Variants in XPR1 observed in about 807,000 individuals in gnomAD.
The protein encoded by XPR1 is solute carrier family 53 member 1.
In XPR1, 28 loss-of-function variants were observed where a neutral mutation model predicts 87.5. The ratio of observed to expected loss-of-function variants is 0.32; its 90% CI spans 0.24 to 0.44. The LOEUF is 0.44. Among genes scored for constraint, XPR1 ranks in the 20% least tolerant of loss-of-function variants. XPR1 has a pLI of 1.00. For missense variants in XPR1, 559 were observed against 862.3 expected, an observed-to-expected ratio of 0.65 and a Z score of 4.41; for synonymous variants, 300 against 306.1, an observed-to-expected ratio of 0.98 and a Z score of 0.21.
At chr1:180,650,316 G>T (rs1410686402) in intron 1 of XPR1, among the ~76,000 whole-genome samples, 6 of 151,984 alleles carry the variant, frequency 3.9e-5, no homozygotes, top group African/African-American at 1.5e-4. Context: ...GCTTACTGCA[G>T]TCTTGAACTC....
chr1:180,634,004 A>G (rs1442908224), intron 1 of XPR1, among the ~76,000 whole-genome samples: 1 of 152,190 alleles, frequency 6.6e-6, no homozygotes, highest in Non-Finnish European at 1.5e-5. Flanking sequence ...ATGGAATTGT[A>G]TTAATTTGCA....
chr1:180,683,540 C>G (rs1363271963), intron 2 of XPR1, among the ~76,000 whole-genome samples: 1 of 152,174 alleles, frequency 6.6e-6, no homozygotes, highest in African/African-American at 2.4e-5. Flanking sequence ...GGAATCACCA[C>G]ACCGACTTCC....
At chr1:180,687,883 C>G (rs972795302) in intron 2 of XPR1, among the ~76,000 whole-genome samples, 1 of 150,948 alleles carries the variant, frequency 6.6e-6, no homozygotes, top group African/African-American at 2.4e-5. Flanking sequence ...ATTTCATTAT[C>G]TACTCTTCTA....
At chr1:180,844,774 A>G (rs1651623181) in intron 11 of XPR1, among the ~76,000 whole-genome samples, 4 of 152,190 alleles carry the variant, frequency 2.6e-5, no homozygotes, top group East Asian at 1.9e-4. Flanking sequence ...TGGCGCTTCA[A>G]TTGAAAGAGC....
intron 7 of XPR1, among the ~76,000 whole-genome samples, chr1:180,822,891 T>C (rs1650688923): frequency 6.6e-6 from 1 of 152,204 alleles, no homozygotes; most frequent in Middle Eastern, 3.2e-3. Flanking sequence ...TATTAAATCT[T>C]CTATATACTA....
At chr1:180,678,494 A>T (rs554381824) in intron 1 of XPR1, among the ~76,000 whole-genome samples, 1 of 152,310 alleles carries the variant, frequency 6.6e-6, no homozygotes, top group Non-Finnish European at 1.5e-5. Flanking sequence ...TTAATTTTTT[A>T]TTATACCTCA....
chr1:180,636,652 A>C (rs916403309), intron 1 of XPR1, among the ~76,000 whole-genome samples: 1 of 152,184 alleles, frequency 6.6e-6, no homozygotes, highest in South Asian at 2.1e-4. Context: ...GAAGCATTTA[A>C]GAGAATGATT....
At chr1:180,669,197 A>G (rs1656069623) in intron 1 of XPR1, among the ~76,000 whole-genome samples, 1 of 151,730 alleles carries the variant, frequency 6.6e-6, no homozygotes, top group African/African-American at 2.4e-5. Context: ...TGCTGTTGTC[A>G]TTGGGTAGAG....
At chr1:180,810,773 A>G (rs974857617) in intron 6 of XPR1, among the ~76,000 whole-genome samples, 1 of 151,552 alleles carries the variant, frequency 6.6e-6, no homozygotes, top group Non-Finnish European at 1.5e-5. Flanking sequence ...TACAAAACTC[A>G]TATGTATATA....
chr1:180,687,738 C>T (rs1401214854), intron 2 of XPR1, among the ~76,000 whole-genome samples: 1 of 151,920 alleles, frequency 6.6e-6, no homozygotes, highest in Non-Finnish European at 1.5e-5. Context: ...GCAAACAAAT[C>T]TCTATTTAAA....
chr1:180,877,945 A>G (rs1652714023), intron 13 of XPR1: 1 of 152,258 alleles, frequency 6.6e-6, no homozygotes, highest in Non-Finnish European at 1.5e-5. Context: ...GTCTAAGTCA[A>G]GATCGACAAA....
chr1:180,721,819 C>G (rs866841692), intron 2 of XPR1, among the ~76,000 whole-genome samples: 1 of 152,048 alleles, frequency 6.6e-6, no homozygotes, highest in East Asian at 1.9e-4. Flanking sequence ...ATTTTTCTTA[C>G]GACTTTCTTT....
At chr1:180,760,218 C>T (rs1455170615) in intron 2 of XPR1, among the ~76,000 whole-genome samples, 1 of 152,180 alleles carries the variant, frequency 6.6e-6, no homozygotes, top group Non-Finnish European at 1.5e-5. Context: ...CAGGGATACC[C>T]TCTCTTACCG....
chr1:180,646,248 T>G (rs1655116556), intron 1 of XPR1, among the ~76,000 whole-genome samples: 1 of 152,224 alleles, frequency 6.6e-6, no homozygotes, highest in African/African-American at 2.4e-5. Context: ...ACAAACGTCC[T>G]TAGCAGCAGA....
intron 14 of XPR1, among the ~76,000 whole-genome samples, chr1:180,881,285 T>A (rs957023388): frequency 1.3e-5 from 2 of 152,072 alleles, no homozygotes; most frequent in African/African-American, 4.8e-5. Context: ...TGCCTCAGCC[T>A]CCCGAGTAGC....
intron 1 of XPR1, among the ~76,000 whole-genome samples, chr1:180,660,427 A>G (rs1223598069): frequency 6.6e-6 from 1 of 151,916 alleles, no homozygotes; most frequent in Non-Finnish European, 1.5e-5. Context: ...GTAGTTCTTT[A>G]AGATGCATCA....
intron 2 of XPR1, among the ~76,000 whole-genome samples, chr1:180,724,656 C>G (rs1658276550): frequency 6.6e-6 from 1 of 150,644 alleles, no homozygotes; most frequent in Non-Finnish European, 1.5e-5. Flanking sequence ...TATATGGTTT[C>G]TTTTCCACGT....
intron 7 of XPR1, among the ~76,000 whole-genome samples, chr1:180,812,570 G>C (rs1247521932): frequency 2.0e-5 from 3 of 151,368 alleles, no homozygotes; most frequent in Non-Finnish European, 4.4e-5. Context: ...AATCTTATTG[G>C]TCTGTCTTCA....
intron 11 of XPR1, among the ~76,000 whole-genome samples, chr1:180,851,335 T>G (rs988145533): frequency 6.6e-6 from 1 of 152,128 alleles, no homozygotes; most frequent in African/African-American, 2.4e-5. Context: ...CAAAATTTGC[T>G]TTTTCTACTG....
Sources: gnomAD v4.1 joint callset for allele counts (sites outside exome capture counted in the v4.1 genomes callset) on GRCh38, gnomAD v4.1.1 for gene constraint, MANE v1.5 for transcripts, NCBI Gene and HGNC (gene_info 2026-07-23, HGNC 2026-07-21) for gene names.